The following SEC14L1 variants were observed in gnomAD, a reference collection of about 807,000 sequenced individuals.
SEC14L1 encodes the protein SEC14 like lipid binding 1.
Under a neutral mutation model 85.3 loss-of-function variants are expected in SEC14L1, and 48 were observed. The ratio of observed to expected loss-of-function variants is 0.56; its 90% CI spans 0.45 to 0.72. The LOEUF (loss-of-function observed/expected upper bound fraction) is 0.72. Ranked by LOEUF, SEC14L1 falls within the 30% of genes least tolerant of loss-of-function variation. The pLI, the probability that SEC14L1 is intolerant of heterozygous loss-of-function variation, is 0.00. For synonymous variants in SEC14L1, 391 were observed against 355.5 expected (o/e 1.10, Z -1.12); for missense variants, 682 against 921.4 (o/e 0.74, Z 3.36).
At chr17:77,147,544 C>T (rs990172454) in intron 3 of SEC14L1, among the ~76,000 whole-genome samples, 1 of 152,136 alleles carries the variant, frequency 6.6e-6, no homozygotes, top group Non-Finnish European at 1.5e-5. Flanking sequence ...CCTAGCTCAA[C>T]CCTCCCTTGG....
intron 3 of SEC14L1, among the ~76,000 whole-genome samples, chr17:77,123,486 G>A (rs1472769299): frequency 2.1e-5 from 3 of 141,482 alleles, no homozygotes; most frequent in African/African-American, 8.0e-5. Context: ...ATCTTGGCTC[G>A]CTGCAACCTC....
In SEC14L1 at chr17:77,203,552, C is replaced by G. The variant is rs2143139855; in HGVS notation, c.1010-18C>G. The G allele has an allele frequency of 6.2e-7, 1 of 1,609,440 alleles. No individual in the cohort carries two copies. Among genetic ancestry groups the G allele is most frequent in the East Asian group, 2.2e-5 (1 of 44,860 alleles). The stretch of plus-strand genomic sequence containing the variant: ...ACTGGGATGGTGCTGACAACTCATT[C>G]CTTCCCCTCCTCTGCAGATGGGCGG... On this transcript the variant is annotated intron_variant, in intron 9 of 16. Transcript: ENST00000436233.
At chr17:77,089,178 C>T in exon 2 of SEC14L1, 6 of 329,946 alleles carry the variant, frequency 1.8e-5, no homozygotes, top group Non-Finnish European at 3.0e-5. Flanking sequence ...GAGAAATATC[C>T]CCCGACGATT....
At chr17:77,155,504 A>G (rs7207721) in intron 3 of SEC14L1, among the ~76,000 whole-genome samples, 1 of 152,006 alleles carries the variant, frequency 6.6e-6, no homozygotes, top group Non-Finnish European at 1.5e-5. Context: ...TGGTGCCCAG[A>G]TGGGAGCTGG....
At chr17:77,137,347 G>A (rs1367573207), upstream of SEC14L1, among the ~76,000 whole-genome samples, 1 of 152,220 alleles carries the variant, frequency 6.6e-6, no homozygotes, top group Non-Finnish European at 1.5e-5. Flanking sequence ...CTTGGTGGAA[G>A]GAGAGAAGGG....
chr17:77,133,575 G>A (rs1292796586), intron 3 of SEC14L1, among the ~76,000 whole-genome samples: 1 of 152,096 alleles, frequency 6.6e-6, no homozygotes, highest in African/African-American at 2.4e-5. Flanking sequence ...TAGCCTTTAC[G>A]CGGCACCCAT....
intron 3 of SEC14L1, among the ~76,000 whole-genome samples, chr17:77,168,261 A>G (rs1974372539): frequency 7.2e-5 from 11 of 152,212 alleles, no homozygotes; most frequent in Admixed American, 6.5e-4. Flanking sequence ...GGAATTCATC[A>G]TCTCTGGCAA....
In SEC14L1 at chr17:77,194,873, G is replaced by A; in HGVS notation, c.671G>A (p.Ser224Asn). ...KEGLSGDALS[S>N]PSAPEPVVGT... is the part of the protein sequence containing the mutation. The stretch of plus-strand genomic sequence containing the variant: ...GGGCTGAGTGGTGATGCCCTCAGCA[G>A]CCCCAGCGCACCTGAGCCCGTGGTG... The change falls in exon 7 of 17, where the codon AGC becomes AAC. Residue 224 changes from serine to asparagine, a missense_variant. Physicochemically the swap from Ser to Asn is conservative, Grantham distance 46. This residue lies in a region of SEC14L1 where 123 missense variants were observed against 100.6 expected (regional missense o/e 1.22). Coordinates refer to ENST00000436233, the MANE Select transcript of SEC14L1 (RefSeq NM_001143998.2). 1 of 1,614,186 alleles carries A rather than the reference G, an allele frequency of 6.2e-7. No individual in the cohort carries two copies. Among genetic ancestry groups the A allele is most frequent in the Non-Finnish European group, 8.5e-7 (1 of 1,180,014 alleles).
At chr17:77,135,500 CTCTT>C (rs569606182) in intron 3 of SEC14L1, among the ~76,000 whole-genome samples, 35 of 152,008 alleles carry the variant, frequency 2.3e-4, no homozygotes, top group African/African-American at 8.2e-4. Flanking sequence ...TTGTCTTTCT[CTCTT>C]TCTTTCTCTC....
chr17:77,186,341 C>G (rs11868172), intron 3 of SEC14L1, among the ~76,000 whole-genome samples: 4,204 of 152,336 alleles, frequency 0.028, 200 homozygotes, highest in African/African-American at 0.095. Context: ...CCTGGAAACG[C>G]TCTCCGCCTC....
chr17:77,213,681 G>A lies in SEC14L1; in HGVS notation c.2042+189G>A. On this transcript the variant is annotated intron_variant, in intron 16 of 16. Transcript: ENST00000436233. This position sits in a 1 kb window ranked among gnomAD's most constrained non-coding sequence, Gnocchi z 7.1. ...CCCTGCCTGTCTGCAGAGGGAGAGTGTCGGAGACAGAGCCGACTGACTGCC... is the reference window on the plus strand; with the variant it reads ...CCCTGCCTGTCTGCAGAGGGAGAGTATCGGAGACAGAGCCGACTGACTGCC... The A allele has an allele frequency of 1.2e-6, 1 of 861,044 alleles. No homozygotes were observed. The highest frequency in any genetic ancestry group is 1.9e-6 in the Non-Finnish European group (1 of 530,300). 53.3% of individuals were successfully genotyped at this position (861,044 alleles called of 1,614,324 possible). A position where few individuals can be genotyped will look rare whatever the true frequency, so the allele number is the denominator to read the frequency against.
At chr17:77,179,984 T>A (rs142232785) in intron 3 of SEC14L1, among the ~76,000 whole-genome samples, 1 of 151,248 alleles carries the variant, frequency 6.6e-6, no homozygotes, top group Admixed American at 6.6e-5. Flanking sequence ...GCCTACGTAT[T>A]TGTTTTTAGG....
chr17:77,152,945 C>T (rs564200118), intron 3 of SEC14L1, among the ~76,000 whole-genome samples: 3 of 152,264 alleles, frequency 2.0e-5, no homozygotes, highest in East Asian at 3.9e-4. Context: ...GGTCATTTGT[C>T]CTGTTCAGTT....
At chr17:77,162,063 C>G (rs1974089147) in intron 3 of SEC14L1, among the ~76,000 whole-genome samples, 1 of 152,048 alleles carries the variant, frequency 6.6e-6, no homozygotes, top group South Asian at 2.1e-4. Flanking sequence ...GGTTTAGAGC[C>G]AGGTTCCCCA....
chr17:77,096,105 C>A (rs1359626547), intron 3 of SEC14L1, among the ~76,000 whole-genome samples: 1 of 150,234 alleles, frequency 6.7e-6, no homozygotes, highest in Non-Finnish European at 1.5e-5. Context: ...CTGTCTTGCC[C>A]AGACTGGTCT....
intron 3 of SEC14L1, among the ~76,000 whole-genome samples, chr17:77,100,117 G>C (rs563884689): frequency 6.6e-6 from 1 of 152,238 alleles, no homozygotes; most frequent in Non-Finnish European, 1.5e-5. Context: ...TCCGAGGAGC[G>C]GGCGTGCTGC....
Position 77,190,951 on chromosome 17 carries a change from A to G in SEC14L1, c.212A>G (p.Lys71Arg), listed in dbSNP as rs1975498423. Residue 71 changes from lysine (K) to arginine (R), a missense_variant and splice_region_variant, in exon 4 of 17, where the codon AAG (lysine) becomes AGG (arginine). Physicochemically the swap from Lys to Arg is conservative, Grantham distance 26. Transcript: ENST00000436233. Reference protein sequence around the residue: ...LDVDAPRLLKKIAGVDYVYFV... With the variant: ...LDVDAPRLLKRIAGVDYVYFV... ...GTAGATGCACCCAGACTGCTGAAGAAGGTAAAGGTCGGAAAGGACGTCTTG... is the reference window on the plus strand; with the variant it reads ...GTAGATGCACCCAGACTGCTGAAGAGGGTAAAGGTCGGAAAGGACGTCTTG... 2 of 1,613,916 alleles carry G rather than the reference A, an allele frequency of 1.2e-6. No homozygotes were observed. The highest frequency in any genetic ancestry group is 1.6e-4 in the Middle Eastern group (1 of 6,084).
At chr17:77,101,413 G>A (rs570920860) in intron 3 of SEC14L1, among the ~76,000 whole-genome samples, 2 of 152,072 alleles carry the variant, frequency 1.3e-5, no homozygotes, top group East Asian at 3.9e-4. Context: ...CCTGACCTCA[G>A]GTGACCCGCC....
intron 3 of SEC14L1, among the ~76,000 whole-genome samples, chr17:77,109,750 C>T (rs74677500): frequency 0.026 from 3,909 of 152,170 alleles, 57 homozygotes; most frequent in African/African-American, 0.031. Flanking sequence ...AAGGATATGC[C>T]GTTCCATATG....
Sources: allele counts gnomAD v4.1 joint callset (sites outside exome capture counted in the v4.1 genomes callset), GRCh38; gene constraint gnomAD v4.1.1; regional missense constraint gnomAD v4.1.1; non-coding constraint Gnocchi (gnomAD v3.1); transcripts MANE v1.5; gene names NCBI Gene and HGNC (gene_info 2026-07-23, HGNC 2026-07-21).